TNS3: variants seen among roughly 807,000 people sequenced by gnomAD.
TNS3 encodes the protein tensin 3, also known as tensin-3.
TNS3 carries 45 observed loss-of-function variants against 140.9 expected under a neutral mutation model. The ratio of observed to expected loss-of-function variants is 0.32; its 90% CI spans 0.25 to 0.41. The LOEUF is 0.41. Among genes scored for constraint, TNS3 ranks in the 10% least tolerant of loss-of-function variants. TNS3 has a pLI of 1.00. For synonymous variants in TNS3, 815 were observed against 788.4 expected (o/e 1.03, Z -0.56); for missense variants, 1,716 against 1,906.7 (o/e 0.90, Z 1.86).
At chr7:47,347,088 A>T (rs1789388831) in intron 17 of TNS3, among the ~76,000 whole-genome samples, 1 of 152,198 alleles carries the variant, frequency 6.6e-6, no homozygotes, top group Non-Finnish European at 1.5e-5. Context: ...GCCGGCTATT[A>T]AAAGAGGAAT....
intron 27 of TNS3, among the ~76,000 whole-genome samples, chr7:47,290,767 A>G (rs1785651118): frequency 6.6e-6 from 1 of 152,226 alleles, no homozygotes; most frequent in Non-Finnish European, 1.5e-5. Flanking sequence ...ATTGGAAGAC[A>G]GTTTGCCTGT....
intron 13 of TNS3, among the ~76,000 whole-genome samples, chr7:47,401,671 G>A (rs776626648): frequency 1.3e-5 from 2 of 152,196 alleles, no homozygotes; most frequent in Non-Finnish European, 2.9e-5. Context: ...GGCAGAGCAG[G>A]AGCCTGAGTG....
At chr7:47,459,931 C>A (rs1379049415) in intron 4 of TNS3, among the ~76,000 whole-genome samples, 1 of 152,090 alleles carries the variant, frequency 6.6e-6, no homozygotes, top group Non-Finnish European at 1.5e-5. Flanking sequence ...GAAACAGGAT[C>A]TTTAAAGAAG....
chr7:47,388,791 C>T (rs928975155), intron 16 of TNS3, among the ~76,000 whole-genome samples: 4 of 151,830 alleles, frequency 2.6e-5, no homozygotes, highest in African/African-American at 4.8e-5. Context: ...TGCTTGAACC[C>T]GGGAGGTGGA....
intron 2 of TNS3, among the ~76,000 whole-genome samples, chr7:47,518,451 A>G (rs1302540963): frequency 6.6e-6 from 1 of 152,208 alleles, no homozygotes; most frequent in Admixed American, 6.5e-5. Context: ...AACAGCCCCT[A>G]AAACTCTTGA....
At chr7:47,582,316 A>C (rs1397572598), upstream of TNS3, 2 of 406,700 alleles carry the variant, frequency 4.9e-6, no homozygotes, top group East Asian at 1.5e-4. Context: ...GCGCCCTGGG[A>C]CCTCCCTTCG....
intron 20 of TNS3, among the ~76,000 whole-genome samples, chr7:47,342,143 C>T (rs1281531504): frequency 6.6e-6 from 1 of 152,152 alleles, no homozygotes; most frequent in East Asian, 1.9e-4. Flanking sequence ...ATAAATAAGG[C>T]CTACCGGGTC....
intron 27 of TNS3, among the ~76,000 whole-genome samples, chr7:47,291,690 A>T (rs960732672): frequency 6.6e-6 from 1 of 151,806 alleles, no homozygotes; most frequent in Non-Finnish European, 1.5e-5. Context: ...GTCTTACTAT[A>T]TTTTCCCCCA....
chr7:47,345,008 C>T lies in TNS3; in HGVS notation c.2482G>A (p.Asp828Asn), dbSNP rs1399893862. ...TMTPGYPQDL[D>N]IIDGRILSSK... ...CTTAAAATTCTGCCATCGATAATAT[C>T]GAGGTCCTGGGGATAGCCAGGGGTC... Residue 828 changes from aspartate to asparagine, a missense_variant, in exon 19 of 31, where the codon GAT becomes AAT. By Grantham distance (23) the Asp-to-Asn change is conservative. This residue lies in a region of TNS3 where 1,163 missense variants were observed against 1,182.1 expected (regional missense o/e 0.98). Transcript: ENST00000311160. 3 of 1,613,982 alleles carry T rather than the reference C, an allele frequency of 1.9e-6. No homozygotes were observed. Among genetic ancestry groups the T allele is most frequent in the Admixed American group, 1.7e-5 (1 of 60,004 alleles).
intron 6 of TNS3, among the ~76,000 whole-genome samples, chr7:47,439,133 C>A (rs1795333882): frequency 6.6e-6 from 1 of 152,154 alleles, no homozygotes; most frequent in African/African-American, 2.4e-5. Flanking sequence ...GGAGGAGAGT[C>A]ACAAGTTTGT....
rs183336114 is a variant in TNS3, at chr7:47,280,330, G to A, written c.4122C>T (p.Pro1374=). Residue 1374 remains proline, a synonymous_variant, in exon 29 of 31, where the codon CCC becomes CCT. Transcript: ENST00000311160. The part of the protein sequence containing the change: ...QRKLFFRRHY[P]VNSVIFCALD... The stretch of plus-strand genomic sequence containing the variant: ...AGGCACAGAAAATCACACTGTTCAC[G>A]GGGTAATGCCTCCGGAAGAAGAGCC... 2.3e-3 allele frequency: 3,729 copies of A among 1,614,142 alleles called. 25 individuals carry two copies. Among genetic ancestry groups the A allele is most frequent in the Middle Eastern group, 0.015 (88 of 6,062 alleles).
rs1254660497 is a variant in TNS3, at chr7:47,277,017, T to A, written c.*1059A>T. The A allele has an allele frequency of 2.0e-5, 3 of 152,108 alleles. No homozygotes were observed. The highest frequency in any genetic ancestry group is 4.4e-5 in the Non-Finnish European group (3 of 68,032). The allele number at this position is 152,108 out of a possible 1,614,324, so 9.4% of individuals were successfully genotyped here. ...TTCCATCCCTCCTGGACTCTCTCCATCAGAAAAGAAGTCATCCACAATCGG... is the reference window on the plus strand; with the variant it reads ...TTCCATCCCTCCTGGACTCTCTCCAACAGAAAAGAAGTCATCCACAATCGG... On this transcript the variant is annotated 3_prime_UTR_variant, in exon 31 of 31. Coordinates refer to ENST00000311160, the MANE Select transcript of TNS3 (RefSeq NM_022748.12).
intron 27 of TNS3, among the ~76,000 whole-genome samples, chr7:47,285,438 A>G (rs1785365278): frequency 6.6e-6 from 1 of 152,154 alleles, no homozygotes; most frequent in Admixed American, 6.5e-5. Context: ...AAGTCTCACG[A>G]GATCTGATGA....
intron 3 of TNS3, among the ~76,000 whole-genome samples, chr7:47,490,700 G>T (rs998094656): frequency 6.6e-6 from 1 of 152,268 alleles, no homozygotes; most frequent in Non-Finnish European, 1.5e-5. Context: ...AGTGCCAATC[G>T]TTGGAAATGG....
At chr7:47,346,434 G>A in intron 17 of TNS3, 78 bp from the exon 18 acceptor site, 1 of 1,546,606 alleles carries the variant, frequency 6.5e-7, no homozygotes, top group Non-Finnish European at 8.8e-7. Context: ...AATCTTGCCT[G>A]CTGCTTCTCA....
chr7:47,421,860 G>A (rs1015539738), intron 10 of TNS3, among the ~76,000 whole-genome samples: 3 of 152,162 alleles, frequency 2.0e-5, no homozygotes, highest in Non-Finnish European at 2.9e-5. Flanking sequence ...TGAGACTTCT[G>A]AGCTTCCCAG....
intron 1 of TNS3, among the ~76,000 whole-genome samples, chr7:47,540,971 A>G (rs552745586): frequency 6.6e-6 from 1 of 152,324 alleles, no homozygotes; most frequent in East Asian, 1.9e-4. Flanking sequence ...TCACAGGTGT[A>G]TGTTCATCCT....
chr7:47,383,140 T>C (rs755986407), intron 16 of TNS3, among the ~76,000 whole-genome samples: 3 of 152,212 alleles, frequency 2.0e-5, no homozygotes, highest in Admixed American at 6.5e-5. Flanking sequence ...TTATTCATAC[T>C]AGACAAAAAG....
intron 28 of TNS3, 118 bp downstream of exon 28, chr7:47,283,579 C>A: frequency 1.0e-6 from 1 of 990,030 alleles, no homozygotes; most frequent in Non-Finnish European, 1.4e-6. Context: ...CTGGGTGACT[C>A]ATGACCTCAA....
Sources: gnomAD v4.1 joint callset for allele counts (sites outside exome capture counted in the v4.1 genomes callset) on GRCh38, gnomAD v4.1.1 for gene constraint, gnomAD v4.1.1 regional missense constraint, MANE v1.5 for transcripts, NCBI Gene and HGNC (gene_info 2026-07-23, HGNC 2026-07-21) for gene names.